SMURF1: variants seen among roughly 807,000 people sequenced by gnomAD.
SMURF1 encodes SMAD specific E3 ubiquitin protein ligase 1, also known as E3 ubiquitin-protein ligase SMURF1.
Under a neutral mutation model 98.0 loss-of-function variants are expected in SMURF1, and 44 were observed. That is an observed-to-expected ratio of 0.45 (90% CI 0.35 to 0.58). The LOEUF (loss-of-function observed/expected upper bound fraction) is 0.58, where lower values mean the gene tolerates loss of function less well. SMURF1 is among the 20% of genes least tolerant of loss of function. SMURF1 has a pLI of 0.00. For missense variants in SMURF1, 687 were observed against 938.4 expected, an observed-to-expected ratio of 0.73 and a Z score of 3.50; for synonymous variants, 396 against 374.9, an observed-to-expected ratio of 1.06 and a Z score of -0.65.
rs187636696 is a variant in SMURF1 at position 99,027,461 on chromosome 7, T to C, written c.*3123A>G. The C allele has an allele frequency of 9.8e-5, 15 of 152,770 alleles. No individual in the cohort carries two copies. Among genetic ancestry groups the C allele is most frequent in the African/African-American group, 2.9e-4 (12 of 41,576 alleles). The allele number at this position is 152,770 out of a possible 1,614,324, so 9.5% of individuals were successfully genotyped here. A position where few individuals can be genotyped will look rare whatever the true frequency, so the allele number is the denominator to read the frequency against. ...AATGTAAAGTCGTGAGTTTATTGCATATGTAACAAAATGAACCTGACCTCC... is the reference window on the plus strand; with the variant it reads ...AATGTAAAGTCGTGAGTTTATTGCACATGTAACAAAATGAACCTGACCTCC... On this transcript the variant is annotated 3_prime_UTR_variant, in exon 18 of 18. Transcript: ENST00000361368.
At chr7:99,118,963 C>T (rs556841048) in intron 1 of SMURF1, among the ~76,000 whole-genome samples, 10 of 142,272 alleles carry the variant, frequency 7.0e-5, no homozygotes, top group Non-Finnish European at 1.0e-4. Flanking sequence ...TGGGCTCAAG[C>T]GATCGTCCCA....
At position 99,029,538 on chromosome 7, in the gene SMURF1, A is replaced by T. The variant is rs755208542; in HGVS notation, c.*1046T>A. Reference sequence around the variant, plus strand: ...TGTCACAGGTTTGCGTCCACACCCTACTTTTTGTAGAACAGTATCTTTGGG... The same window carrying T: ...TGTCACAGGTTTGCGTCCACACCCTTCTTTTTGTAGAACAGTATCTTTGGG... On this transcript the variant is annotated 3_prime_UTR_variant, in exon 18 of 18. Coordinates refer to ENST00000361368, the MANE Select transcript of SMURF1 (RefSeq NM_181349.3). 1.3e-5 allele frequency: 2 copies of T among 152,188 alleles called. No homozygotes were observed. The highest frequency in any genetic ancestry group is 4.8e-5 in the African/African-American group (2 of 41,452). 9.4% of individuals were successfully genotyped at this position (152,188 alleles called of 1,614,324 possible).
chr7:99,056,433 C>T (rs1287239503), intron 5 of SMURF1, among the ~76,000 whole-genome samples: 2 of 152,168 alleles, frequency 1.3e-5, no homozygotes, highest in African/African-American at 4.8e-5. Flanking sequence ...GTAACATTAG[C>T]ACACTTTAAT....
intron 1 of SMURF1, among the ~76,000 whole-genome samples, chr7:99,089,419 G>A (rs551652699): frequency 7.9e-5 from 12 of 151,744 alleles, no homozygotes; most frequent in Non-Finnish European, 1.5e-4. Flanking sequence ...CAGGAGGATC[G>A]CTTGGGCCCA....
At chr7:99,050,737 A>G in intron 8 of SMURF1, 1 of 565,104 alleles carries the variant, frequency 1.8e-6, no homozygotes, top group South Asian at 2.6e-5. Context: ...TACATTAAAC[A>G]TAGTCTTGGA....
At chr7:99,118,907 G>C (rs1356088948) in intron 1 of SMURF1, among the ~76,000 whole-genome samples, 1 of 151,026 alleles carries the variant, frequency 6.6e-6, no homozygotes, top group Non-Finnish European at 1.5e-5. Flanking sequence ...CTGTACCCAG[G>C]CTGCAGTACG....
At chr7:99,117,943 C>T (rs1797499090) in intron 1 of SMURF1, among the ~76,000 whole-genome samples, 1 of 151,926 alleles carries the variant, frequency 6.6e-6, no homozygotes. Flanking sequence ...TTGGACATTT[C>T]TCTAAGGAAG....
intron 15 of SMURF1, 22 bp from the exon 16 acceptor site, chr7:99,035,738 A>G: frequency 6.2e-7 from 1 of 1,610,216 alleles, no homozygotes; most frequent in Non-Finnish European, 8.5e-7. Flanking sequence ...CAGAAAGGTG[A>G]ATTACTTCCA....
intron 1 of SMURF1, among the ~76,000 whole-genome samples, chr7:99,101,460 A>G (rs764219462): frequency 3.9e-5 from 6 of 152,200 alleles, no homozygotes; most frequent in Non-Finnish European, 8.8e-5. Flanking sequence ...TTCCTGGCTC[A>G]TATTTGGAGC....
intron 1 of SMURF1, among the ~76,000 whole-genome samples, chr7:99,110,225 GA>G (rs1286867737): frequency 6.6e-6 from 1 of 151,980 alleles, no homozygotes; most frequent in Non-Finnish European, 1.5e-5. Context: ...AAGCAACAGT[GA>G]AAAAAGATAA....
chr7:99,032,920 T>C (rs1217091803), intron 17 of SMURF1, 117 bp downstream of exon 17: 1 of 1,184,950 alleles, frequency 8.4e-7, no homozygotes. Context: ...GTTCTGATGA[T>C]GACAAAAATA....
At chr7:99,090,843 TGCAAACTC>T (rs533960098) in intron 1 of SMURF1, among the ~76,000 whole-genome samples, 110 of 152,354 alleles carry the variant, frequency 7.2e-4, no homozygotes, top group Non-Finnish European at 1.1e-3. Flanking sequence ...AAGGTTATAA[TGCAAACTC>T]GGAAATGCTG....
At chr7:99,111,840 C>G (rs1411483768) in intron 1 of SMURF1, among the ~76,000 whole-genome samples, 1 of 152,100 alleles carries the variant, frequency 6.6e-6, no homozygotes, top group Admixed American at 6.5e-5. Flanking sequence ...CTAGTGGCTC[C>G]CTGAAGAACT....
Position 99,083,179 on chromosome 7 carries a change from A to C in SMURF1, c.56-21342T>G, listed in dbSNP as rs551214437. The stretch of plus-strand genomic sequence containing the variant: ...CAACTCTGACTACACTAAAAACCAC[A>C]GAATGGTACATTTAAAATGGTGACT... On this transcript the variant is annotated intron_variant, in intron 1 of 17. Coordinates refer to ENST00000361368, the MANE Select transcript of SMURF1 (RefSeq NM_181349.3). Among the ~76,000 whole-genome samples the C allele has an allele frequency of 9.2e-5, 14 of 152,308 alleles. No homozygotes were observed. The South Asian group carries it at 2.9e-3, about 32-fold the overall frequency.
At chr7:99,098,955 A>C (rs1300389641) in intron 1 of SMURF1, among the ~76,000 whole-genome samples, 1 of 152,204 alleles carries the variant, frequency 6.6e-6, no homozygotes, top group Non-Finnish European at 1.5e-5. Context: ...ACAAGGAAAT[A>C]AATAATGTGA....
In SMURF1 at chr7:99,143,826, C is replaced by T; in HGVS notation, c.-46G>A. Reference sequence around the variant, plus strand: ...GCCGCGGATCCAGCGCCACCGCCCCCCAGCCCGGCCCGGCCCGGCCCCGCC... The same window carrying T: ...GCCGCGGATCCAGCGCCACCGCCCCTCAGCCCGGCCCGGCCCGGCCCCGCC... On this transcript the variant is annotated 5_prime_UTR_variant, in exon 1 of 18. Coordinates refer to ENST00000361368, the MANE Select transcript of SMURF1 (RefSeq NM_181349.3). 6.7e-7 allele frequency: 1 copy of T among 1,494,936 alleles called. No individual in the cohort carries two copies. The highest frequency in any genetic ancestry group is 8.9e-7 in the Non-Finnish European group (1 of 1,120,884). 92.6% of individuals were successfully genotyped at this position (1,494,936 alleles called of 1,614,324 possible).
intron 1 of SMURF1, among the ~76,000 whole-genome samples, chr7:99,078,697 G>A (rs767847263): frequency 5.9e-5 from 9 of 152,332 alleles, no homozygotes; most frequent in Middle Eastern, 3.4e-3. Flanking sequence ...TGTGAACTGC[G>A]CATGCGAGGG....
At chr7:99,057,140 G>C (rs1255968692) in intron 5 of SMURF1, 65 bp downstream of exon 5, 25 of 1,570,998 alleles carry the variant, frequency 1.6e-5, no homozygotes, top group Non-Finnish European at 2.0e-5. Context: ...GTGAGTTCTC[G>C]GCGATGAAGG....
At position 99,049,699 on chromosome 7, in the gene SMURF1, T is replaced by C; in HGVS notation, c.817A>G (p.Ser273Gly). ...HDPRIPRDLN[S>G]VNCDELGPLP... ...GGTCCAAGTTCATCACAGTTCACAC[T>C]GTTAAGGTCTCTACCAAAATGGAAG... Residue 273 changes from serine to glycine, a missense_variant, in exon 9 of 18, where the codon AGT (serine) becomes GGT (glycine). Transcript: ENST00000361368. The C allele has an allele frequency of 6.2e-7, 1 of 1,613,410 alleles. No homozygotes were observed. The highest frequency in any genetic ancestry group is 8.5e-7 in the Non-Finnish European group (1 of 1,179,872).
Sources: allele counts gnomAD v4.1 joint callset (sites outside exome capture counted in the v4.1 genomes callset), GRCh38; gene constraint gnomAD v4.1.1; transcripts MANE v1.5; gene names NCBI Gene and HGNC (gene_info 2026-07-23, HGNC 2026-07-21).